Variants in IQCJ observed in about 807,000 individuals in gnomAD.
IQCJ encodes the protein IQ motif containing J, also known as IQ domain-containing protein J.
Under a neutral mutation model 11.0 loss-of-function variants are expected in IQCJ, and 9 were observed. That is an observed-to-expected ratio of 0.82 (90% CI 0.49 to 1.43). IQCJ has a LOEUF of 1.43. Ranked by LOEUF, IQCJ falls within the 40% of genes most tolerant of loss-of-function variation. IQCJ has a pLI of 0.00. For missense variants in IQCJ, 146 were observed against 133.2 expected, an observed-to-expected ratio of 1.10 and a Z score of -0.47; for synonymous variants, 55 against 51.3, an observed-to-expected ratio of 1.07 and a Z score of -0.31.
downstream of IQCJ, chr3:159,265,138 C>A: frequency 2.5e-6 from 3 of 1,223,864 alleles, no homozygotes; most frequent in South Asian, 1.6e-5. Flanking sequence ...ATCCAAGTCA[C>A]AGTTTAAAAG....
chr3:159,185,496 T>C (rs1723325666), intron 1 of IQCJ, among the ~76,000 whole-genome samples: 2 of 152,206 alleles, frequency 1.3e-5, no homozygotes, highest in Admixed American at 1.3e-4. Context: ...TAGTTTTTTA[T>C]TACTGCATAA....
chr3:159,236,599 A>G (rs974099059), intron 1 of IQCJ, among the ~76,000 whole-genome samples: 1 of 152,200 alleles, frequency 6.6e-6, no homozygotes, highest in Non-Finnish European at 1.5e-5. Flanking sequence ...GTGGATCAGA[A>G]TGCCAGCCTC....
chr3:159,205,507 A>G (rs989061378), intron 1 of IQCJ, among the ~76,000 whole-genome samples: 11 of 152,192 alleles, frequency 7.2e-5, no homozygotes, highest in Admixed American at 1.3e-4. Flanking sequence ...CTTCAGGTCA[A>G]CTAACACTGT....
chr3:159,096,425 C>T (rs1348888424), intron 1 of IQCJ, among the ~76,000 whole-genome samples: 24 of 143,210 alleles, frequency 1.7e-4, no homozygotes, highest in Non-Finnish European at 2.4e-4. Context: ...GTGTTTTGGA[C>T]GTGAAGTCCT....
At chr3:159,090,246 CA>C (rs1343033128) in intron 1 of IQCJ, among the ~76,000 whole-genome samples, 1 of 151,714 alleles carries the variant, frequency 6.6e-6, no homozygotes, top group Non-Finnish European at 1.5e-5. Context: ...GGTCAGGGGT[CA>C]GGGGTCAGGG....
At chr3:159,161,150 A>T (rs1384306814) in intron 1 of IQCJ, among the ~76,000 whole-genome samples, 3 of 152,070 alleles carry the variant, frequency 2.0e-5, no homozygotes, top group African/African-American at 7.3e-5. Context: ...TCCCACCAAC[A>T]GTGTAAAAGT....
chr3:159,161,163 TC>T (rs1721831478), intron 1 of IQCJ, among the ~76,000 whole-genome samples: 2 of 152,180 alleles, frequency 1.3e-5, no homozygotes, highest in Non-Finnish European at 2.9e-5. Flanking sequence ...GTAAAAGTGT[TC>T]CTATTTCTCC....
At chr3:159,090,822 A>G (rs1717222427) in intron 1 of IQCJ, among the ~76,000 whole-genome samples, 1 of 151,858 alleles carries the variant, frequency 6.6e-6, no homozygotes, top group Admixed American at 6.5e-5. Context: ...CACAAAATTA[A>G]TCAATTGGAA....
At chr3:159,183,482 A>G (rs1405783256) in intron 1 of IQCJ, among the ~76,000 whole-genome samples, 4 of 152,086 alleles carry the variant, frequency 2.6e-5, no homozygotes, top group Admixed American at 1.3e-4. Context: ...TAAATTCCAC[A>G]TATTTGCCAA....
At chr3:159,120,165 A>G (rs1719280193) in intron 1 of IQCJ, among the ~76,000 whole-genome samples, 1 of 152,208 alleles carries the variant, frequency 6.6e-6, no homozygotes. Context: ...ATCATCATGC[A>G]TACCCCCAGC....
chr3:159,124,859 G>C (rs1719582738), intron 1 of IQCJ, among the ~76,000 whole-genome samples: 1 of 152,152 alleles, frequency 6.6e-6, no homozygotes, highest in African/African-American at 2.4e-5. Flanking sequence ...CAATAAGAGT[G>C]GTTAATACTT....
chr3:159,257,399 C>T (rs1258918176), intron 3 of IQCJ, among the ~76,000 whole-genome samples: 1 of 152,162 alleles, frequency 6.6e-6, no homozygotes, highest in Non-Finnish European at 1.5e-5. Context: ...CCAAATTGCC[C>T]AAATTCTCAT....
chr3:159,105,862 G>A lies in IQCJ; in HGVS notation c.9+36421G>A, dbSNP rs571747009. ...CATGATGAGGACTTTGGATATCATC[G>A]TAAGTGTAGCAGGAAGCCATCTGAA... On this transcript the variant is annotated intron_variant, in intron 1 of 3. Transcript: ENST00000397832. Among the ~76,000 whole-genome samples, 11 of 152,288 alleles carry A rather than the reference G, an allele frequency of 7.2e-5. No individual in the cohort carries two copies. In the South Asian group the frequency reaches 8.3e-4, roughly 11 times the overall value.
At chr3:159,142,607 G>A (rs1206097037) in intron 1 of IQCJ, among the ~76,000 whole-genome samples, 1 of 152,008 alleles carries the variant, frequency 6.6e-6, no homozygotes, top group Non-Finnish European at 1.5e-5. Context: ...TAGTAGAGAC[G>A]GGGTTTCACC....
At chr3:159,112,481 C>T (rs1274015286) in intron 1 of IQCJ, among the ~76,000 whole-genome samples, 1 of 152,148 alleles carries the variant, frequency 6.6e-6, no homozygotes, top group Non-Finnish European at 1.5e-5. Flanking sequence ...AGCACTTAAC[C>T]TAGACCTTTG....
intron 1 of IQCJ, among the ~76,000 whole-genome samples, chr3:159,216,985 TTTGAGTACTCTGAA>T (rs1480945949): frequency 6.6e-6 from 1 of 152,146 alleles, no homozygotes; most frequent in Non-Finnish European, 1.5e-5. Flanking sequence ...GTCCAACAAA[TTTGAGTACTCTGAA>T]TTGAAATAGA....
rs114313416 is a variant in IQCJ at position 159,223,310 on chromosome 3, G to A, written c.10-22533G>A. On this transcript the variant is annotated intron_variant, in intron 1 of 3. Coordinates refer to ENST00000397832, the MANE Select transcript of IQCJ (RefSeq NM_001042706.3). ...AAAAGGAAAGAATATAATAGGTAGCGGCCATATGCAATTATATAGATATAA... is the reference window on the plus strand; with the variant it reads ...AAAAGGAAAGAATATAATAGGTAGCAGCCATATGCAATTATATAGATATAA... 7.2e-3 allele frequency among the ~76,000 whole-genome samples: 1,090 copies of A among 152,060 alleles called. 19 individuals carry two copies. Among genetic ancestry groups the A allele is most frequent in the African/African-American group, 0.025 (1,047 of 41,490 alleles).
chr3:159,083,748 G>C (rs574001926), intron 1 of IQCJ, among the ~76,000 whole-genome samples: 343 of 152,254 alleles, frequency 2.3e-3, no homozygotes, highest in African/African-American at 7.9e-3. Flanking sequence ...AAACTGTGGT[G>C]TGTCATAAAC....
At chr3:159,262,004 A>G (rs1326840004) in intron 3 of IQCJ, among the ~76,000 whole-genome samples, 1 of 152,146 alleles carries the variant, frequency 6.6e-6, no homozygotes, top group Non-Finnish European at 1.5e-5. Flanking sequence ...GGGCCACTGC[A>G]TTTGGCCATG....
Sources: gnomAD v4.1 joint callset for allele counts (sites outside exome capture counted in the v4.1 genomes callset) on GRCh38, gnomAD v4.1.1 for gene constraint, MANE v1.5 for transcripts, NCBI Gene and HGNC (gene_info 2026-07-23, HGNC 2026-07-21) for gene names.